The following AMBN variants were observed in gnomAD, a reference collection of about 807,000 sequenced individuals.
AMBN encodes the protein ameloblastin.
A neutral mutation model predicts 48.0 loss-of-function variants in AMBN; 54 were observed. That is an observed-to-expected ratio of 1.12 (90% CI 0.90 to 1.41). The LOEUF is 1.41. AMBN is among the 40% of genes most tolerant of loss of function. The pLI is 0.00. For synonymous variants in AMBN, 186 were observed against 190.0 expected (o/e 0.98, Z 0.17); for missense variants, 571 against 547.3 (o/e 1.04, Z -0.43).
At chr4:70,601,734 A>T in intron 6 of AMBN, 80 bp downstream of exon 6, 1 of 1,306,910 alleles carries the variant, frequency 7.7e-7, no homozygotes. Flanking sequence ...GCACTTTTAA[A>T]TAATCGTAGC....
At chr4:70,596,121 C>T (rs1467654325) in intron 2 of AMBN, among the ~76,000 whole-genome samples, 1 of 152,024 alleles carries the variant, frequency 6.6e-6, no homozygotes, top group African/African-American at 2.4e-5. Context: ...GAAACTCTGT[C>T]TCTACCAAAA....
At chr4:70,605,752 C>T (rs1435644553) in intron 12 of AMBN, among the ~76,000 whole-genome samples, 1 of 151,816 alleles carries the variant, frequency 6.6e-6, no homozygotes, top group Non-Finnish European at 1.5e-5. Flanking sequence ...ATAATGAGAC[C>T]CCTAAAAGAA....
Position 70,601,529 on chromosome 4 carries a change from C to A in AMBN, c.406C>A (p.Gln136Lys), listed in dbSNP as rs1737521316. The A allele has an allele frequency of 1.2e-6, 2 of 1,614,204 alleles. No homozygotes were observed. Among genetic ancestry groups the A allele is most frequent in the Non-Finnish European group, 1.7e-6 (2 of 1,180,016 alleles). Reference sequence around the variant, plus strand: ...CCAGTCTGCTGCTGCAACCACCAACCAGGCCACAGCACTGAAAGAAGCACT... The same window carrying A: ...CCAGTCTGCTGCTGCAACCACCAACAAGGCCACAGCACTGAAAGAAGCACT... ...FLQSAAATTNQATALKEALQP... is the reference protein window; with the variant it reads ...FLQSAAATTNKATALKEALQP... The change falls in exon 6 of 13, where the codon CAG (glutamine) becomes AAG (lysine). Residue 136 changes from glutamine (Q) to lysine (K), a missense_variant. Coordinates refer to ENST00000322937, the MANE Select transcript of AMBN (RefSeq NM_016519.6).
intron 2 of AMBN, among the ~76,000 whole-genome samples, chr4:70,595,088 C>G (rs1343690828): frequency 6.6e-6 from 1 of 152,074 alleles, no homozygotes; most frequent in Admixed American, 6.6e-5. Flanking sequence ...AGCTAACCAC[C>G]ACATACACAC....
intron 12 of AMBN, among the ~76,000 whole-genome samples, chr4:70,604,951 C>A (rs1209749339): frequency 6.6e-6 from 1 of 151,098 alleles, no homozygotes; most frequent in African/African-American, 2.4e-5. Flanking sequence ...TGAGATCACG[C>A]CACTGCACTC....
Position 70,592,288 on chromosome 4 carries a change from T to A in AMBN, c.-71T>A. 1 of 1,548,512 alleles carries A rather than the reference T, an allele frequency of 6.5e-7. No individual in the cohort carries two copies. The highest frequency in any genetic ancestry group is 8.9e-7 in the Non-Finnish European group (1 of 1,123,404). On this transcript the variant is annotated 5_prime_UTR_variant, in exon 1 of 13. Coordinates refer to ENST00000322937, the MANE Select transcript of AMBN (RefSeq NM_016519.6). ...ACAGAGCAAGTCCCACGCACAGTCCTGAAAAAAATTTTAATCTTCTTTTCT... is the reference window on the plus strand; with the variant it reads ...ACAGAGCAAGTCCCACGCACAGTCCAGAAAAAAATTTTAATCTTCTTTTCT...
chr4:70,600,133 C>T (rs865848110), intron 5 of AMBN, among the ~76,000 whole-genome samples: 48 of 151,944 alleles, frequency 3.2e-4, no homozygotes, highest in African/African-American at 1.1e-3. Context: ...ATGGTGAAAC[C>T]CCGTCTCTAC....
chr4:70,606,714 A>G lies in AMBN; in HGVS notation c.1328A>G (p.His443Arg). 6.2e-7 allele frequency: 1 copy of G among 1,612,362 alleles called. No individual in the cohort carries two copies. The highest frequency in any genetic ancestry group is 8.5e-7 in the Non-Finnish European group (1 of 1,179,134). ...CCCGAGATGATGCATGACGCATGGC[A>G]TTTCCAAGAGCCCTGACAGCTCTAA... ...QEPEMMHDAW[H>R]FQEP The change falls in exon 13 of 13, where the codon CAT becomes CGT. Residue 443 changes from histidine (H) to arginine (R), a missense_variant. By Grantham distance (29) the His-to-Arg change is conservative (BLOSUM62 0). Transcript: ENST00000322937.
intron 1 of AMBN, 89 bp downstream of exon 1, chr4:70,592,462 C>A: frequency 2.8e-6 from 4 of 1,406,036 alleles, no homozygotes; most frequent in Non-Finnish European, 3.0e-6. Context: ...GATTTATCTT[C>A]ATTTGTCACC....
At position 70,606,553 on chromosome 4, in the gene AMBN, T is replaced by C. The variant is rs753391808; in HGVS notation, c.1167T>C (p.Pro389=). 1 of 1,614,106 alleles carries C rather than the reference T, an allele frequency of 6.2e-7. No individual in the cohort carries two copies. The highest frequency in any genetic ancestry group is 1.1e-5 in the South Asian group (1 of 91,086). The change falls in exon 13 of 13, where the codon CCT becomes CCC. Residue 389 remains proline (P), a synonymous_variant. Coordinates refer to ENST00000322937, the MANE Select transcript of AMBN (RefSeq NM_016519.6). ...CAGCTGCTGACCCACTGATGACCCC[T>C]GAATTAGCTGATGTTTATAGGACCT... ...TPAAADPLMT[P]ELADVYRTYD...
intron 12 of AMBN, 44 bp from the exon 13 acceptor site, chr4:70,606,141 T>C (rs371801125): frequency 6.2e-7 from 1 of 1,603,928 alleles, no homozygotes; most frequent in African/African-American, 1.3e-5. Flanking sequence ...GTATAGTTAA[T>C]AGCATGTGAT....
intron 1 of AMBN, 63 bp downstream of exon 1, chr4:70,592,436 C>T (rs898178070): frequency 7.0e-6 from 11 of 1,561,704 alleles, no homozygotes; most frequent in Non-Finnish European, 9.7e-6. Flanking sequence ...TATCTCCTGA[C>T]AGCTTTTATA....
intron 11 of AMBN, 21 bp downstream of exon 11, chr4:70,603,481 A>C: frequency 1.2e-6 from 2 of 1,603,922 alleles, no homozygotes; most frequent in Non-Finnish European, 1.7e-6. Flanking sequence ...ATTCTATAAA[A>C]AGTATTGTTT....
intron 6 of AMBN, 69 bp from the exon 7 acceptor site, chr4:70,602,555 T>A: frequency 8.3e-7 from 1 of 1,198,974 alleles, no homozygotes; most frequent in Non-Finnish European, 1.2e-6. Context: ...TATTTTTTTA[T>A]TTTTAATGTC....
intron 3 of AMBN, 55 bp from the exon 4 acceptor site, chr4:70,598,301 T>G: frequency 8.0e-7 from 1 of 1,246,546 alleles, no homozygotes; most frequent in Non-Finnish European, 1.1e-6. Flanking sequence ...GAGAAATCAG[T>G]TGTGTCAAAC....
chr4:70,605,328 C>G (rs1274866546), intron 12 of AMBN, among the ~76,000 whole-genome samples: 1 of 152,148 alleles, frequency 6.6e-6, no homozygotes, highest in Non-Finnish European at 1.5e-5. Flanking sequence ...TATTTCTATT[C>G]TGCCTCATTC....
At chr4:70,600,351 C>G (rs1407066323) in intron 5 of AMBN, among the ~76,000 whole-genome samples, 1 of 151,898 alleles carries the variant, frequency 6.6e-6, no homozygotes, top group Non-Finnish European at 1.5e-5. Context: ...ATCATGAACC[C>G]TACAGAAGTC....
intron 2 of AMBN, among the ~76,000 whole-genome samples, chr4:70,596,421 C>A (rs1480788150): frequency 6.6e-6 from 1 of 151,636 alleles, no homozygotes; most frequent in African/African-American, 2.4e-5. Context: ...GGGAAAAAAA[C>A]CTTTGATATG....
At chr4:70,598,450 A>AT (rs1737439305) in intron 4 of AMBN, 47 bp downstream of exon 4, 10 of 1,442,336 alleles carry the variant, frequency 6.9e-6, no homozygotes, top group Non-Finnish European at 7.6e-6. Context: ...GGTAGTGTTA[A>AT]TATTAGCAGC....
Sources: gnomAD v4.1 joint callset for allele counts (sites outside exome capture counted in the v4.1 genomes callset) on GRCh38, gnomAD v4.1.1 for gene constraint, MANE v1.5 for transcripts, NCBI Gene and HGNC (gene_info 2026-07-23, HGNC 2026-07-21) for gene names.